Variants in TBC1D22A observed in about 807,000 individuals in gnomAD.
The protein encoded by TBC1D22A is TBC1 domain family member 22A.
Under a neutral mutation model 60.2 loss-of-function variants are expected in TBC1D22A, and 38 were observed. The ratio of observed to expected loss-of-function variants is 0.63; its 90% CI spans 0.49 to 0.83. The LOEUF is 0.83. Ranked by LOEUF, TBC1D22A falls within the 40% of genes least tolerant of loss-of-function variation. TBC1D22A has a pLI of 0.00. For synonymous variants in TBC1D22A, 302 were observed against 281.7 expected (o/e 1.07, Z -0.72); for missense variants, 628 against 701.0 (o/e 0.90, Z 1.18).
At chr22:47,102,013 G>A (rs556595233) in intron 11 of TBC1D22A, among the ~76,000 whole-genome samples, 4 of 152,290 alleles carry the variant, frequency 2.6e-5, no homozygotes, top group African/African-American at 9.6e-5. Flanking sequence ...AGAAGGGAGA[G>A]CTTACGGTTT....
Position 46,813,356 on chromosome 22 carries a change from G to A in TBC1D22A, c.637+15736G>A, listed in dbSNP as rs140731541. On this transcript the variant is annotated intron_variant, in intron 4 of 12. Transcript: ENST00000337137. The stretch of plus-strand genomic sequence containing the variant: ...TAGCAAAGTCATTTTTTGATCCTTA[G>A]TATGCGGCATTTAATTTACAGTTAT... 2.2e-3 allele frequency among the ~76,000 whole-genome samples: 337 copies of A among 152,284 alleles called. 1 individual carries two copies. The highest frequency in any genetic ancestry group is 4.1e-3 in the South Asian group (20 of 4,828).
At chr22:47,045,359 C>T (rs991763506) in intron 11 of TBC1D22A, among the ~76,000 whole-genome samples, 2 of 152,120 alleles carry the variant, frequency 1.3e-5, no homozygotes, top group Admixed American at 1.3e-4. Flanking sequence ...GAGAAGTCAA[C>T]CTGGGCCTCC....
chr22:46,963,630 A>G (rs557237320), intron 8 of TBC1D22A, among the ~76,000 whole-genome samples: 6 of 152,228 alleles, frequency 3.9e-5, no homozygotes, highest in Non-Finnish European at 8.8e-5. Context: ...CCTTGAATCA[A>G]TGGTGCACAG....
At chr22:46,855,604 C>T (rs1001449412) in intron 4 of TBC1D22A, among the ~76,000 whole-genome samples, 29 of 152,118 alleles carry the variant, frequency 1.9e-4, no homozygotes, top group African/African-American at 6.0e-4. Flanking sequence ...GTCCCTTTCA[C>T]GGAGTAGCAG....
chr22:47,006,632 T>G (rs1016933233), intron 10 of TBC1D22A, among the ~76,000 whole-genome samples: 2 of 152,228 alleles, frequency 1.3e-5, no homozygotes, highest in Admixed American at 1.3e-4. Flanking sequence ...GACTTCTGCC[T>G]TTCAGCTCCT....
chr22:46,827,766 C>T (rs769026881), intron 4 of TBC1D22A, among the ~76,000 whole-genome samples: 25 of 152,110 alleles, frequency 1.6e-4, no homozygotes, highest in Admixed American at 4.6e-4. Flanking sequence ...CTGGGTGGAG[C>T]GTACTGGGGT....
intron 9 of TBC1D22A, among the ~76,000 whole-genome samples, chr22:46,989,097 T>G (rs2074836971): frequency 2.0e-5 from 3 of 152,232 alleles, no homozygotes; most frequent in South Asian, 2.1e-4. Context: ...CTCTGCTAGC[T>G]TCCACCCTTT....
At chr22:46,967,998 C>T (rs1015770203) in intron 8 of TBC1D22A, among the ~76,000 whole-genome samples, 18 of 152,164 alleles carry the variant, frequency 1.2e-4, no homozygotes, top group Admixed American at 9.8e-4. Flanking sequence ...AGGCTGATGT[C>T]GTCTCACAGA....
At position 47,150,853 on chromosome 22, in the gene TBC1D22A, C is replaced by G. The variant is rs368922089; in HGVS notation, c.1426-22645C>G. ...CTTGGGACCAGATAGCTAGAGACCT[C>G]CGCCCCCACCACCCTGCTGAATGAT... On this transcript the variant is annotated intron_variant, in intron 12 of 12. Transcript: ENST00000337137. 3.2e-4 allele frequency among the ~76,000 whole-genome samples: 49 copies of G among 152,338 alleles called. No individual in the cohort carries two copies. The East Asian group carries it at 8.5e-3, about 26-fold the overall frequency.
chr22:46,907,733 A>G (rs1246837946), intron 7 of TBC1D22A, among the ~76,000 whole-genome samples: 5 of 152,224 alleles, frequency 3.3e-5, no homozygotes, highest in Non-Finnish European at 7.3e-5. Context: ...GGGTGGAGGA[A>G]ACCCTTCCCA....
In TBC1D22A at chr22:46,974,404, G is replaced by C; in HGVS notation, c.1125+5G>C. 3 of 1,604,772 alleles carry C rather than the reference G, an allele frequency of 1.9e-6. No homozygotes were observed. The highest frequency in any genetic ancestry group is 2.6e-6 in the Non-Finnish European group (3 of 1,175,962). ...AAGCTGCTGGATGGCATTCAGGTGA[G>C]CGCCCGCGCCCACGGGACACAGCCC... On this transcript the variant is annotated splice_donor_5th_base_variant and intron_variant, in intron 9 of 12. Coordinates refer to ENST00000337137, the MANE Select transcript of TBC1D22A (RefSeq NM_014346.5).
chr22:46,985,289 C>T (rs1214069178), intron 9 of TBC1D22A, among the ~76,000 whole-genome samples: 4 of 152,086 alleles, frequency 2.6e-5, no homozygotes, highest in East Asian at 1.9e-4. Context: ...ATGCCTGGAG[C>T]GCCGAGTCCG....
chr22:46,907,506 T>C lies in TBC1D22A; in HGVS notation c.901-4568T>C, dbSNP rs147911759. ...AGACCCCCAGAATGAGCCCAGGTCCTGCCAATGGCACAAAACCTGGAGAAG... is the reference window on the plus strand; with the variant it reads ...AGACCCCCAGAATGAGCCCAGGTCCCGCCAATGGCACAAAACCTGGAGAAG... On this transcript the variant is annotated intron_variant, in intron 7 of 12. Coordinates refer to ENST00000337137, the MANE Select transcript of TBC1D22A (RefSeq NM_014346.5). Among the ~76,000 whole-genome samples the C allele has an allele frequency of 6.4e-3, 978 of 152,348 alleles. 7 individuals are homozygous for C. Among genetic ancestry groups the C allele is most frequent in the Middle Eastern group, 0.044 (13 of 294 alleles).
At chr22:47,155,624 C>G (rs368584826) in intron 12 of TBC1D22A, among the ~76,000 whole-genome samples, 1 of 151,490 alleles carries the variant, frequency 6.6e-6, no homozygotes, top group African/African-American at 2.5e-5. Context: ...GGCGAGGACG[C>G]GTAACACTTG....
At chr22:46,853,192 C>T (rs961778422) in intron 4 of TBC1D22A, among the ~76,000 whole-genome samples, 3 of 152,174 alleles carry the variant, frequency 2.0e-5, no homozygotes, top group Non-Finnish European at 2.9e-5. Context: ...CCTTCATCCT[C>T]GGCTCTGCCT....
intron 7 of TBC1D22A, among the ~76,000 whole-genome samples, chr22:46,900,092 G>A (rs549630383): frequency 6.6e-6 from 1 of 150,984 alleles, no homozygotes; most frequent in Non-Finnish European, 1.5e-5. Context: ...CAGCTTTATC[G>A]AGGTCTAATA....
At chr22:46,798,242 C>A (rs141060257) in intron 4 of TBC1D22A, among the ~76,000 whole-genome samples, 1 of 152,258 alleles carries the variant, frequency 6.6e-6, no homozygotes, top group African/African-American at 2.4e-5. Context: ...CCCTTCGAGG[C>A]TGGCCAGGTG....
chr22:47,123,200 G>C (rs559421490), intron 12 of TBC1D22A, among the ~76,000 whole-genome samples: 3 of 152,158 alleles, frequency 2.0e-5, no homozygotes, highest in Non-Finnish European at 4.4e-5. Flanking sequence ...CCTTTGGCCT[G>C]AAAACAGAGA....
intron 10 of TBC1D22A, among the ~76,000 whole-genome samples, chr22:47,007,530 A>C (rs1366752547): frequency 2.6e-5 from 4 of 152,196 alleles, no homozygotes; most frequent in Non-Finnish European, 5.9e-5. Flanking sequence ...TGGTGGCTTA[A>C]AGCACAGTTT....
Sources: gnomAD v4.1 joint callset for allele counts (sites outside exome capture counted in the v4.1 genomes callset) on GRCh38, gnomAD v4.1.1 for gene constraint, MANE v1.5 for transcripts, NCBI Gene and HGNC (gene_info 2026-07-23, HGNC 2026-07-21) for gene names.